Variants in GFRA2 observed in about 807,000 individuals in gnomAD.
GFRA2 encodes GDNF family receptor alpha-2.
Under a neutral mutation model 48.3 loss-of-function variants are expected in GFRA2, and 17 were observed. The observed-to-expected ratio is 0.35, with a 90% CI of 0.24 to 0.53. The LOEUF is 0.53. GFRA2 is among the 20% of genes least tolerant of loss of function. The pLI is 0.93. For missense variants in GFRA2, 660 were observed against 637.3 expected (o/e 1.04, Z -0.38); for synonymous variants, 305 against 257.2 (o/e 1.19, Z -1.78).
chr8:21,771,173 A>G (rs894254511), intron 3 of GFRA2, among the ~76,000 whole-genome samples: 1 of 152,122 alleles, frequency 6.6e-6, no homozygotes, highest in Admixed American at 6.5e-5. Context: ...TAGGCACCAC[A>G]GCTCAAAAAG....
intron 3 of GFRA2, among the ~76,000 whole-genome samples, chr8:21,754,510 T>A (rs113826783): frequency 2.6e-4 from 38 of 144,346 alleles, no homozygotes; most frequent in African/African-American, 8.9e-4. Context: ...TTTTTCTTTT[T>A]TTTTTTTTTT....
intron 4 of GFRA2, among the ~76,000 whole-genome samples, chr8:21,712,404 C>T (rs1268599810): frequency 1.4e-4 from 21 of 148,896 alleles, no homozygotes; most frequent in African/African-American, 4.7e-4. Context: ...ACATCTCAGA[C>T]GATGGGCGGC....
intron 7 of GFRA2, 147 bp from the exon 8 acceptor site, chr8:21,694,664 A>G (rs905731838): frequency 6.9e-6 from 5 of 727,596 alleles, no homozygotes; most frequent in African/African-American, 5.2e-5. Context: ...GCTCAATTCC[A>G]CCCAGCACAA....
intron 4 of GFRA2, among the ~76,000 whole-genome samples, chr8:21,744,550 AACACACACACACAC>A (rs71721911): frequency 5.0e-5 from 7 of 140,144 alleles, no homozygotes; most frequent in East Asian, 2.1e-4. Flanking sequence ...AACCACCACC[AACACACACACACAC>A]ACACACACAC....
intron 4 of GFRA2, among the ~76,000 whole-genome samples, chr8:21,712,961 A>G (rs939448146): frequency 1.1e-4 from 17 of 151,588 alleles, no homozygotes; most frequent in African/African-American, 4.1e-4. Context: ...GCAGCAGTAC[A>G]GTCCAGCTTC....
intron 1 of GFRA2, among the ~76,000 whole-genome samples, chr8:21,783,504 G>T (rs1807115947): frequency 6.6e-6 from 1 of 152,084 alleles, no homozygotes; most frequent in Non-Finnish European, 1.5e-5. Flanking sequence ...CATAGCGGTG[G>T]AAACACCCCC....
At chr8:21,759,489 G>GGAAGGAAA (rs1805780678) in intron 3 of GFRA2, among the ~76,000 whole-genome samples, 1 of 81,816 alleles carries the variant, frequency 1.2e-5, no homozygotes, top group African/African-American at 4.9e-5. Flanking sequence ...AAGGAAAGAA[G>GGAAGGAAA]GAAGGAAGGA....
chr8:21,758,210 C>A (rs1805680779), intron 3 of GFRA2, among the ~76,000 whole-genome samples: 1 of 151,318 alleles, frequency 6.6e-6, no homozygotes, highest in South Asian at 2.1e-4. Context: ...ACTCCCCACA[C>A]ACACACACAC....
chr8:21,801,989 G>A (rs960413588), intron 2 of GFRA2, among the ~76,000 whole-genome samples: 17 of 152,206 alleles, frequency 1.1e-4, no homozygotes, highest in Admixed American at 2.0e-4. Flanking sequence ...CTTCCATCCC[G>A]TCCGCTCCTC....
intron 1 of GFRA2, among the ~76,000 whole-genome samples, chr8:21,807,678 T>C (rs1807897812): frequency 6.6e-6 from 1 of 152,174 alleles, no homozygotes; most frequent in Non-Finnish European, 1.5e-5. Context: ...TTGTGTCTCC[T>C]CATGTGTCCA....
rs1209939967 is a variant in GFRA2 at position 21,750,313 on chromosome 8, C to T, written c.794+275G>A. ...CTCCTTGGGTTGTTCATTTTGGTTTCCCCAGCTGAGCACAAAGTAAGCAAA... is the reference window on the plus strand; with the variant it reads ...CTCCTTGGGTTGTTCATTTTGGTTTTCCCAGCTGAGCACAAAGTAAGCAAA... On this transcript the variant is annotated intron_variant, in intron 4 of 8. Transcript: ENST00000524240. The surrounding 1 kb of genome is among the most constrained non-coding windows in gnomAD (Gnocchi z 5.7). 6.6e-6 allele frequency among the ~76,000 whole-genome samples: 1 copy of T among 152,022 alleles called. No homozygotes were observed. Among genetic ancestry groups the T allele is most frequent in the African/African-American group, 2.4e-5 (1 of 41,374 alleles).
chr8:21,740,739 T>C (rs1804709379), intron 4 of GFRA2, among the ~76,000 whole-genome samples: 1 of 152,204 alleles, frequency 6.6e-6, no homozygotes, highest in Non-Finnish European at 1.5e-5. Flanking sequence ...CAGATATGAA[T>C]GTCTCAAAGG....
At chr8:21,717,544 T>C (rs1803392886) in intron 4 of GFRA2, among the ~76,000 whole-genome samples, 1 of 152,212 alleles carries the variant, frequency 6.6e-6, no homozygotes, top group African/African-American at 2.4e-5. Flanking sequence ...TTGTAATTAT[T>C]TCTTTAACTT....
chr8:21,751,563 T>A (rs1805296538), intron 3 of GFRA2, among the ~76,000 whole-genome samples: 1 of 152,230 alleles, frequency 6.6e-6, no homozygotes, highest in Non-Finnish European at 1.5e-5. Context: ...CACCCAGTAG[T>A]GCAGTTATGC....
At chr8:21,694,077 TTA>T (rs1161900689) in intron 8 of GFRA2, among the ~76,000 whole-genome samples, 9 of 109,276 alleles carry the variant, frequency 8.2e-5, no homozygotes, top group Non-Finnish European at 1.2e-4. Context: ...TTATTTATTT[TTA>T]TATATATATA....
chr8:21,714,246 CTTTTTTTTTT>C (rs10674628), intron 4 of GFRA2, among the ~76,000 whole-genome samples: 11 of 78,400 alleles, frequency 1.4e-4, no homozygotes, highest in Non-Finnish European at 2.0e-4. Context: ...GTCTGAAGTT[CTTTTTTTTTT>C]TTTTTTTTTT....
chr8:21,719,883 G>C (rs1397744120), intron 4 of GFRA2, among the ~76,000 whole-genome samples: 4 of 152,064 alleles, frequency 2.6e-5, no homozygotes, highest in African/African-American at 9.7e-5. Flanking sequence ...TCCTAGACCA[G>C]TAATTTGTCC....
At chr8:21,725,767 C>G (rs1239506820) in intron 4 of GFRA2, among the ~76,000 whole-genome samples, 1 of 152,174 alleles carries the variant, frequency 6.6e-6, no homozygotes, top group Non-Finnish European at 1.5e-5. Context: ...GACTTGAACC[C>G]AGGTCTCTCT....
chr8:21,782,273 C>CT, intron 2 of GFRA2, among the ~76,000 whole-genome samples: 1 of 151,166 alleles, frequency 6.6e-6, no homozygotes, highest in Non-Finnish European at 1.5e-5. Context: ...TACCCAACCC[C>CT]TGCTCACCTC....
Sources: allele counts gnomAD v4.1 joint callset (sites outside exome capture counted in the v4.1 genomes callset), GRCh38; gene constraint gnomAD v4.1.1; non-coding constraint Gnocchi (gnomAD v3.1); transcripts MANE v1.5; gene names NCBI Gene and HGNC (gene_info 2026-07-23, HGNC 2026-07-21).